The following AVEN variants were observed in gnomAD, a reference collection of about 807,000 sequenced individuals.
AVEN encodes cell death regulator Aven.
Under a neutral mutation model 38.1 loss-of-function variants are expected in AVEN, and 41 were observed. That is an observed-to-expected ratio of 1.08 (90% CI 0.84 to 1.40). The LOEUF is 1.40. Among genes scored for constraint, AVEN ranks in the 40% most tolerant of loss-of-function variants. AVEN has a pLI of 0.00. For synonymous variants in AVEN, 206 were observed against 171.8 expected (o/e 1.20, Z -1.56); for missense variants, 605 against 438.8 (o/e 1.38, Z -3.38).
rs1893444881 is a variant in AVEN, at chr15:33,922,643, G to C, written c.446-46648C>G. Among the ~76,000 whole-genome samples, 2 of 152,042 alleles carry C rather than the reference G, an allele frequency of 1.3e-5. 1 individual carries two copies. The highest frequency in any genetic ancestry group is 1.3e-4 in the Admixed American group (2 of 15,260). Reference sequence around the variant, plus strand: ...AGATGGGGTCTCACTATGTTGCCCAGGCTGGTCTGGACTCCTGGCTTCAGA... The same window carrying C: ...AGATGGGGTCTCACTATGTTGCCCACGCTGGTCTGGACTCCTGGCTTCAGA... On this transcript the variant is annotated intron_variant, in intron 2 of 5. Transcript: ENST00000306730.
rs201825706 is a variant in AVEN, at chr15:33,927,396, ATAGT to A, written c.446-51405_446-51402del. Among the ~76,000 whole-genome samples, 1,353 of 152,016 alleles carry A rather than the reference ATAGT, an allele frequency of 8.9e-3. 18 individuals carry two copies. Among genetic ancestry groups the A allele is most frequent in the African/African-American group, 0.031 (1,291 of 41,302 alleles). ...AATGAATTAATTACCAATAATAATA[ATAGT>A]TAATAATTATCAATAATAATGATAG... On this transcript the variant is annotated intron_variant, in intron 2 of 5. Coordinates refer to ENST00000306730, the MANE Select transcript of AVEN (RefSeq NM_020371.3).
At chr15:34,054,008 G>T (rs1236140650) in intron 5 of AVEN, among the ~76,000 whole-genome samples, 3 of 151,872 alleles carry the variant, frequency 2.0e-5, no homozygotes, top group Non-Finnish European at 4.4e-5. Flanking sequence ...TCAAAAAGTG[G>T]GCAAAGAACC....
intron 2 of AVEN, among the ~76,000 whole-genome samples, chr15:33,897,378 A>C (rs1173231475): frequency 2.0e-5 from 3 of 151,986 alleles, no homozygotes; most frequent in Non-Finnish European, 4.4e-5. Context: ...GCTCACTGCA[A>C]GCTCCACCTC....
intron 2 of AVEN, among the ~76,000 whole-genome samples, chr15:33,890,141 T>A (rs1391653613): frequency 6.6e-6 from 1 of 152,234 alleles, no homozygotes; most frequent in African/African-American, 2.4e-5. Flanking sequence ...CTGGTTTTTT[T>A]ACTTCCTCAA....
chr15:34,001,999 C>T (rs1043264548), intron 2 of AVEN, among the ~76,000 whole-genome samples: 3 of 152,082 alleles, frequency 2.0e-5, no homozygotes, highest in African/African-American at 4.8e-5. Flanking sequence ...AATTATTTAG[C>T]GACGTAATTG....
At chr15:34,044,597 C>G (rs946886729) in intron 5 of AVEN, among the ~76,000 whole-genome samples, 3 of 152,162 alleles carry the variant, frequency 2.0e-5, no homozygotes, top group Non-Finnish European at 4.4e-5. Flanking sequence ...GTAATATTTT[C>G]CCAGTACTCT....
intron 2 of AVEN, among the ~76,000 whole-genome samples, chr15:33,899,168 A>AAAAACAGCCCCCTTT (rs71117192): frequency 6.6e-6 from 1 of 151,610 alleles, no homozygotes; most frequent in Admixed American, 6.6e-5. Flanking sequence ...TAACTGTGGT[A>AAAAACAGCCCCCTTT]CTCACCTCTG....
chr15:34,043,065 GTGAAACCCCGTCTCTAC>G (rs1414970977), upstream of AVEN, among the ~76,000 whole-genome samples: 6 of 151,980 alleles, frequency 3.9e-5, no homozygotes, highest in Non-Finnish European at 7.4e-5. Context: ...GGCTAACACA[GTGAAACCCCGTCTCTAC>G]TGAAAATACA....
At chr15:33,988,001 C>T (rs1229971661) in intron 2 of AVEN, among the ~76,000 whole-genome samples, 2 of 152,218 alleles carry the variant, frequency 1.3e-5, no homozygotes, top group Non-Finnish European at 2.9e-5. Context: ...GACCAACTTC[C>T]ATAGGCCAAA....
At chr15:33,899,613 C>G (rs1013597205) in intron 2 of AVEN, among the ~76,000 whole-genome samples, 2 of 145,404 alleles carry the variant, frequency 1.4e-5, no homozygotes, top group African/African-American at 5.1e-5. Flanking sequence ...GAACTACAGG[C>G]GCCCGTCACC....
In AVEN at chr15:34,039,201, C is replaced by G. The variant is rs571818226; in HGVS notation, c.-155G>C. 33 of 615,302 alleles carry G rather than the reference C, an allele frequency of 5.4e-5. No homozygotes were observed. The South Asian group carries it at 2.1e-3, about 39-fold the overall frequency. The allele number at this position is 615,302 out of a possible 1,614,324, so 38.1% of individuals were successfully genotyped here. A position where few individuals can be genotyped will look rare whatever the true frequency, so the allele number is the denominator to read the frequency against. On this transcript the variant is annotated 5_prime_UTR_variant, in exon 1 of 6. Coordinates refer to ENST00000306730, the MANE Select transcript of AVEN (RefSeq NM_020371.3). ...CGGGGCTAGGGATCGAGGCCGGCCG[C>G]AGCGGAGCGGGGCGGGGCGGGGCGG...
chr15:33,853,625 C>A, the AVEN span: 1 of 1,613,962 alleles, frequency 6.2e-7, no homozygotes. Context: ...GACAAAAATG[C>A]TCTTGACTTT....
At chr15:33,983,181 C>T (rs1311389663) in intron 2 of AVEN, among the ~76,000 whole-genome samples, 2 of 108,208 alleles carry the variant, frequency 1.8e-5, no homozygotes, top group African/African-American at 7.5e-5. Context: ...TATATATACA[C>T]ACGTGTGTGT....
At chr15:34,002,413 G>T (rs1388604396) in intron 2 of AVEN, among the ~76,000 whole-genome samples, 1 of 150,952 alleles carries the variant, frequency 6.6e-6, no homozygotes, top group Non-Finnish European at 1.5e-5. Context: ...GGACCCTGCA[G>T]CCATCTGTAC....
intron 2 of AVEN, among the ~76,000 whole-genome samples, chr15:33,924,936 A>G (rs1893558237): frequency 6.6e-6 from 1 of 152,192 alleles, no homozygotes; most frequent in Non-Finnish European, 1.5e-5. Context: ...TTATGTTTGC[A>G]ACTGTGATTG....
intron 2 of AVEN, among the ~76,000 whole-genome samples, chr15:33,917,376 A>G (rs368355834): frequency 0.13 from 1,354 of 10,424 alleles, 23 homozygotes; most frequent in African/African-American, 0.31. Context: ...GTGTGTGTGT[A>G]TACACACACA....
intron 2 of AVEN, among the ~76,000 whole-genome samples, chr15:33,886,546 GCCCA>G (rs1026908444): frequency 1.3e-5 from 2 of 152,006 alleles, no homozygotes; most frequent in African/African-American, 4.8e-5. Flanking sequence ...CTCGTGATCC[GCCCA>G]CCTCAGCCTC....
intron 2 of AVEN, among the ~76,000 whole-genome samples, chr15:33,893,398 C>T (rs929086840): frequency 2.6e-5 from 4 of 152,124 alleles, no homozygotes; most frequent in African/African-American, 9.7e-5. Flanking sequence ...ATACAAACAC[C>T]AGCCTTGCTT....
downstream of AVEN, chr15:33,854,427 T>C (rs1438799784): frequency 3.2e-6 from 5 of 1,575,652 alleles, no homozygotes; most frequent in African/African-American, 1.4e-5. Context: ...ATCTGGAAGC[T>C]TGGAGTTGTT....
Sources: gnomAD v4.1 joint callset for allele counts (sites outside exome capture counted in the v4.1 genomes callset) on GRCh38, gnomAD v4.1.1 for gene constraint, MANE v1.5 for transcripts, NCBI Gene and HGNC (gene_info 2026-07-23, HGNC 2026-07-21) for gene names.